The following RAB2A variants were observed in gnomAD, a reference collection of about 807,000 sequenced individuals.
RAB2A encodes RAB2A, member RAS oncogene family.
In RAB2A, 7 loss-of-function variants were observed where a neutral mutation model predicts 32.5. The ratio of observed to expected loss-of-function variants is 0.22; its 90% CI spans 0.12 to 0.40. RAB2A has a LOEUF of 0.40. RAB2A is among the 10% of genes least tolerant of loss of function. The pLI, the probability that RAB2A is intolerant of heterozygous loss-of-function variation, is 1.00. For synonymous variants in RAB2A, 79 were observed against 85.2 expected (o/e 0.93, Z 0.40); for missense variants, 108 against 260.7 (o/e 0.41, Z 4.03).
At chr8:60,563,399 T>C (rs1248776220) in intron 2 of RAB2A, among the ~76,000 whole-genome samples, 1 of 152,216 alleles carries the variant, frequency 6.6e-6, no homozygotes, top group Non-Finnish European at 1.5e-5. Flanking sequence ...GGGAGCTTGT[T>C]AAAGAACCTA....
intron 1 of RAB2A, among the ~76,000 whole-genome samples, chr8:60,547,332 A>G (rs575823051): frequency 1.2e-3 from 183 of 152,286 alleles, no homozygotes; most frequent in African/African-American, 4.1e-3. Context: ...CGATTTCTCA[A>G]TCTTTTCCCC....
At chr8:60,521,057 C>T (rs1807294626) in intron 1 of RAB2A, among the ~76,000 whole-genome samples, 1 of 152,236 alleles carries the variant, frequency 6.6e-6, no homozygotes. Flanking sequence ...CTTAAGCCAT[C>T]CTCCCACTTC....
intron 3 of RAB2A, chr8:60,576,234 G>C (rs1162838779): frequency 6.6e-6 from 3 of 456,182 alleles, no homozygotes; most frequent in Non-Finnish European, 1.3e-5. Flanking sequence ...TTTCTGCCAG[G>C]GGAAGTCAAA....
intron 1 of RAB2A, among the ~76,000 whole-genome samples, chr8:60,534,771 T>A (rs1807532512): frequency 6.6e-6 from 1 of 152,166 alleles, no homozygotes; most frequent in African/African-American, 2.4e-5. Flanking sequence ...TGAAGACCAT[T>A]GTGTGACATA....
intron 6 of RAB2A, among the ~76,000 whole-genome samples, chr8:60,601,215 T>TGCTAACAGTTTTTTCACAAGA (rs148578207): frequency 6.6e-6 from 1 of 151,974 alleles, no homozygotes; most frequent in African/African-American, 2.4e-5. Flanking sequence ...ACTAGATTTT[T>TGCTAACAGTTTTTTCACAAGA]GCTCTGTATG....
chr8:60,577,035 A>G (rs2130843862), intron 3 of RAB2A, among the ~76,000 whole-genome samples: 1 of 134,034 alleles, frequency 7.5e-6, no homozygotes, highest in East Asian at 2.3e-4. Flanking sequence ...ATCATATCCT[A>G]TTTTATCTTT....
intron 3 of RAB2A, among the ~76,000 whole-genome samples, chr8:60,575,115 T>TTTTTC (rs1808252748): frequency 1.4e-5 from 2 of 145,924 alleles, no homozygotes; most frequent in Admixed American, 6.8e-5. Flanking sequence ...TTTTTTGGTT[T>TTTTTC]TGAGACAGCG....
chr8:60,618,463 A>C, intron 6 of RAB2A, 117 bp from the exon 7 acceptor site: 1 of 378,176 alleles, frequency 2.6e-6, no homozygotes, highest in Non-Finnish European at 4.3e-6. Flanking sequence ...CTTTATTAAT[A>C]TGTATTACGT....
At chr8:60,569,219 C>T (rs1808160282) in intron 2 of RAB2A, among the ~76,000 whole-genome samples, 1 of 152,082 alleles carries the variant, frequency 6.6e-6, no homozygotes, top group Non-Finnish European at 1.5e-5. Flanking sequence ...GTATTTTTTT[C>T]CCACCACCAT....
In RAB2A at chr8:60,558,934, T is replaced by C; in HGVS notation, c.118+11T>C. 3 of 1,597,752 alleles carry C rather than the reference T, an allele frequency of 1.9e-6. No individual in the cohort carries two copies. The highest frequency in any genetic ancestry group is 1.7e-4 in the Middle Eastern group (1 of 5,828). On this transcript the variant is annotated intron_variant, in intron 2 of 7. Coordinates refer to ENST00000262646, the MANE Select transcript of RAB2A (RefSeq NM_002865.3). ...ATGACCTTACTATTGGTAAGTTTTA[T>C]AAAAGGGATGAGAAGCACTAAAAGT...
At chr8:60,560,653 C>A (rs1808007412) in intron 2 of RAB2A, among the ~76,000 whole-genome samples, 2 of 152,176 alleles carry the variant, frequency 1.3e-5, no homozygotes, top group East Asian at 3.8e-4. Context: ...CAACCCACAA[C>A]CTGCATGCAG....
intron 2 of RAB2A, among the ~76,000 whole-genome samples, chr8:60,563,347 A>G (rs1042114043): frequency 6.6e-6 from 1 of 152,218 alleles, no homozygotes; most frequent in Non-Finnish European, 1.5e-5. Context: ...AAGATGGTTC[A>G]TGTGCTGTTG....
At chr8:60,589,580 T>C (rs531265723) in intron 5 of RAB2A, among the ~76,000 whole-genome samples, 1 of 152,250 alleles carries the variant, frequency 6.6e-6, no homozygotes, top group South Asian at 2.1e-4. Flanking sequence ...AAATGAAAGT[T>C]TTTTAATAGT....
intron 1 of RAB2A, among the ~76,000 whole-genome samples, chr8:60,535,820 G>A (rs557031493): frequency 6.6e-6 from 1 of 152,276 alleles, no homozygotes; most frequent in South Asian, 2.1e-4. Context: ...TAGCCACCAT[G>A]TATTGTCTCT....
intron 1 of RAB2A, among the ~76,000 whole-genome samples, chr8:60,549,995 T>G (rs1428554775): frequency 6.6e-6 from 1 of 152,246 alleles, no homozygotes; most frequent in Non-Finnish European, 1.5e-5. Context: ...TCTCAGTCTT[T>G]TTTTTGCTGA....
chr8:60,557,513 C>T (rs1016579577), intron 1 of RAB2A, among the ~76,000 whole-genome samples: 3 of 152,034 alleles, frequency 2.0e-5, no homozygotes, highest in Admixed American at 6.5e-5. Flanking sequence ...AAAACTTCAT[C>T]TCAAAAAAAC....
chr8:60,560,047 G>A (rs1304620227), intron 2 of RAB2A, among the ~76,000 whole-genome samples: 2 of 152,188 alleles, frequency 1.3e-5, no homozygotes, highest in Admixed American at 6.5e-5. Context: ...ATAATGATGG[G>A]TAAAACAGGT....
At chr8:60,590,958 C>T (rs1803933119) in intron 5 of RAB2A, among the ~76,000 whole-genome samples, 1 of 151,900 alleles carries the variant, frequency 6.6e-6, no homozygotes, top group Non-Finnish European at 1.5e-5. Context: ...ATCAGAGACA[C>T]ACAGGTGGTG....
chr8:60,595,126 A>G (rs1223431138), intron 6 of RAB2A, among the ~76,000 whole-genome samples: 2 of 152,218 alleles, frequency 1.3e-5, no homozygotes, highest in African/African-American at 2.4e-5. Flanking sequence ...TTTCTAATAG[A>G]AGTGAAATGA....
Sources: gnomAD v4.1 joint callset for allele counts (sites outside exome capture counted in the v4.1 genomes callset) on GRCh38, gnomAD v4.1.1 for gene constraint, MANE v1.5 for transcripts, NCBI Gene and HGNC (gene_info 2026-07-23, HGNC 2026-07-21) for gene names.